Variants in MLF1 observed in about 807,000 individuals in gnomAD.
MLF1 encodes the protein myelodysplasia-myeloid leukemia factor 1.
In MLF1, 37 loss-of-function variants were observed where a neutral mutation model predicts 38.3. That is an observed-to-expected ratio of 0.96 (90% CI 0.74 to 1.27). The LOEUF is 1.27. MLF1 is among the 50% of genes most tolerant of loss of function. MLF1 has a pLI of 0.00. For synonymous variants in MLF1, 95 were observed against 106.5 expected (o/e 0.89, Z 0.66); for missense variants, 331 against 349.2 (o/e 0.95, Z 0.42).
In MLF1 at chr3:158,606,234, A is replaced by G. The variant is rs34245841; in HGVS notation, c.*1032A>G. On this transcript the variant is annotated 3_prime_UTR_variant, in exon 8 of 8. Coordinates refer to ENST00000466246, the MANE Select transcript of MLF1 (RefSeq NM_001369783.1). ...AGTTAGGTTTGAAGTTTATAAGAAT[A>G]TAAAATCTTAACTCACATTTGTTGT... 14,258 of 176,836 alleles carry G rather than the reference A, an allele frequency of 0.081. 729 individuals carry two copies. The highest frequency in any genetic ancestry group is 0.14 in the Middle Eastern group (61 of 444). 11.0% of individuals were successfully genotyped at this position (176,836 alleles called of 1,614,324 possible).
At position 158,585,037 on chromosome 3, in the gene MLF1, GAAAAAA is replaced by G. The variant is rs59014137; in HGVS notation, c.48-7384_48-7379del. ...TGGGAGACAGAGCAAGACTCTGTCT[GAAAAAA>G]AAAAAAAAAAAAGAAAAAGAAAAAG... On this transcript the variant is annotated intron_variant, in intron 1 of 7. Coordinates refer to ENST00000466246, the MANE Select transcript of MLF1 (RefSeq NM_001369783.1). Among the ~76,000 whole-genome samples the G allele has an allele frequency of 1.4e-4, 12 of 88,866 alleles. No individual in the cohort carries two copies. The South Asian group carries it at 4.9e-3, about 36-fold the overall frequency. The allele number at this position is 88,866 out of a possible 152,430, so 58.3% of individuals were successfully genotyped here.
chr3:158,575,090 A>G (rs1458402470), intron 1 of MLF1, among the ~76,000 whole-genome samples: 1 of 152,184 alleles, frequency 6.6e-6, no homozygotes, highest in Non-Finnish European at 1.5e-5. Context: ...AACAGACTAC[A>G]AATAGTAAGC....
At chr3:158,604,982 A>AATT (rs911092669) in intron 7 of MLF1, 115 bp from the exon 8 acceptor site, 43 of 797,692 alleles carry the variant, frequency 5.4e-5, no homozygotes, top group Non-Finnish European at 2.2e-5. Context: ...GCCATTAAGG[A>AATT]ATTTTTAAGA....
chr3:158,583,510 C>T (rs563152908), intron 1 of MLF1, among the ~76,000 whole-genome samples: 1 of 152,052 alleles, frequency 6.6e-6, no homozygotes, highest in African/African-American at 2.4e-5. Flanking sequence ...TATGTCTATT[C>T]GCTCTTATAA....
At chr3:158,597,564 G>T (rs972693206) in intron 4 of MLF1, among the ~76,000 whole-genome samples, 2 of 152,122 alleles carry the variant, frequency 1.3e-5, no homozygotes, top group Non-Finnish European at 2.9e-5. Flanking sequence ...TAGTCATCCA[G>T]TTTGAATTCT....
Position 158,598,403 on chromosome 3 carries a change from A to T in MLF1, c.453+195A>T, listed in dbSNP as rs1326155606. 4.0e-5 allele frequency among the ~76,000 whole-genome samples: 6 copies of T among 149,726 alleles called. No individual in the cohort carries two copies. In the Admixed American group the frequency reaches 4.0e-4, roughly 10 times the overall value. On this transcript the variant is annotated intron_variant, in intron 5 of 7. Coordinates refer to ENST00000466246, the MANE Select transcript of MLF1 (RefSeq NM_001369783.1). ...CAACTGTATTTACTTAGTTTGTGGC[A>T]TTTTTTTTGTAGCCCCCCCACCCCC...
intron 1 of MLF1, among the ~76,000 whole-genome samples, chr3:158,580,753 G>C (rs1716212414): frequency 6.7e-6 from 1 of 149,004 alleles, no homozygotes; most frequent in Admixed American, 6.7e-5. Flanking sequence ...CTCGAGACCA[G>C]CCTGAGCAAC....
chr3:158,584,662 TG>T (rs1716929159), intron 1 of MLF1, among the ~76,000 whole-genome samples: 1 of 69,070 alleles, frequency 1.4e-5, no homozygotes, highest in East Asian at 1.5e-3. Context: ...AAAGAAAGTG[TG>T]TGTGTGTGTG....
intron 1 of MLF1, among the ~76,000 whole-genome samples, chr3:158,585,880 A>G (rs1717167696): frequency 1.3e-5 from 2 of 152,174 alleles, no homozygotes; most frequent in South Asian, 4.1e-4. Flanking sequence ...GAGCAATTTA[A>G]GCTGGGCGTG....
At chr3:158,605,048 C>A in intron 7 of MLF1, 49 bp from the exon 8 acceptor site, 3 of 1,325,182 alleles carry the variant, frequency 2.3e-6, no homozygotes, top group South Asian at 1.3e-5. Flanking sequence ...ATTTATAAAC[C>A]ATTGGCCATT....
intron 1 of MLF1, chr3:158,588,838 A>G (rs1075551): frequency 0.54 from 247,108 of 455,898 alleles, 68,957 homozygotes; most frequent in African/African-American, 0.72. Flanking sequence ...TCATTTGAGG[A>G]TGTTGTTTCT....
chr3:158,571,273 G>T lies in MLF1; in HGVS notation c.-28G>T. Reference sequence around the variant, plus strand: ...AACATCGTTTTTCCAATCTGTCCGCGGCTGCCGCCACCCAAGACAGAGCCA... The same window carrying T: ...AACATCGTTTTTCCAATCTGTCCGCTGCTGCCGCCACCCAAGACAGAGCCA... On this transcript the variant is annotated 5_prime_UTR_variant, in exon 1 of 8. Coordinates refer to ENST00000466246, the MANE Select transcript of MLF1 (RefSeq NM_001369783.1). The T allele has an allele frequency of 1.3e-6, 2 of 1,582,330 alleles. No individual in the cohort carries two copies. Among genetic ancestry groups the T allele is most frequent in the Non-Finnish European group, 8.7e-7 (1 of 1,152,904 alleles).
chr3:158,574,572 T>C (rs1426054811), intron 1 of MLF1, among the ~76,000 whole-genome samples: 1 of 145,268 alleles, frequency 6.9e-6, no homozygotes, highest in Non-Finnish European at 1.5e-5. Flanking sequence ...TACTCCCAAC[T>C]ACTTGGGAGG....
chr3:158,571,467 C>A, intron 1 of MLF1, 120 bp downstream of exon 1: 1 of 1,241,326 alleles, frequency 8.1e-7, no homozygotes, highest in Non-Finnish European at 1.2e-6. Flanking sequence ...ACTCTGGAGG[C>A]GGTTTGAAGG....
At position 158,593,526 on chromosome 3, in the gene MLF1, C is replaced by T. The variant is rs558640291; in HGVS notation, c.240+100C>T. 58 of 889,684 alleles carry T rather than the reference C, an allele frequency of 6.5e-5. No homozygotes were observed. In the South Asian group the frequency reaches 9.8e-4, roughly 15 times the overall value. The allele number at this position is 889,684 out of a possible 1,614,324, so 55.1% of individuals were successfully genotyped here. On this transcript the variant is annotated intron_variant, in intron 3 of 7. Coordinates refer to ENST00000466246, the MANE Select transcript of MLF1 (RefSeq NM_001369783.1). ...CTGAATTGGCATGCAGCCTCACTTC[C>T]ATAATGGCTTTTTAATGTTTGTACT...
At position 158,586,958 on chromosome 3, in the gene MLF1, G is replaced by A. The variant is rs146518222; in HGVS notation, c.48-5476G>A. On this transcript the variant is annotated intron_variant, in intron 1 of 7. Coordinates refer to ENST00000466246, the MANE Select transcript of MLF1 (RefSeq NM_001369783.1). ...TGAAAATTAGCTTTAGACCTTCAAA[G>A]TTCAGGGCTCTATCCCCACTACCTG... 2.1e-3 allele frequency among the ~76,000 whole-genome samples: 326 copies of A among 152,302 alleles called. 4 individuals carry two copies. Among genetic ancestry groups the A allele is most frequent in the African/African-American group, 7.4e-3 (308 of 41,564 alleles).
At chr3:158,587,881 G>C (rs1339280746) in intron 1 of MLF1, among the ~76,000 whole-genome samples, 2 of 152,228 alleles carry the variant, frequency 1.3e-5, no homozygotes, top group African/African-American at 4.8e-5. Flanking sequence ...TGCGCCTGTA[G>C]TCCCAGCTGC....
intron 1 of MLF1, among the ~76,000 whole-genome samples, chr3:158,591,813 G>A (rs1718193397): frequency 6.6e-6 from 1 of 150,856 alleles, no homozygotes; most frequent in Non-Finnish European, 1.5e-5. Context: ...TTATAGTGTT[G>A]GTATTTTTAT....
At chr3:158,600,359 T>A (rs139223757) in intron 6 of MLF1, among the ~76,000 whole-genome samples, 186 bp downstream of exon 6, 1,643 of 152,078 alleles carry the variant, frequency 0.011, 37 homozygotes, top group African/African-American at 0.038. Context: ...TTATAGTGAT[T>A]TTTGGCAATA....
Sources: allele counts gnomAD v4.1 joint callset (sites outside exome capture counted in the v4.1 genomes callset), GRCh38; gene constraint gnomAD v4.1.1; transcripts MANE v1.5; gene names NCBI Gene and HGNC (gene_info 2026-07-23, HGNC 2026-07-21).